The following MAN1A1 variants were observed in gnomAD, a reference collection of about 807,000 sequenced individuals.
MAN1A1 encodes mannosyl-oligosaccharide 1,2-alpha-mannosidase IA.
In MAN1A1, 29 loss-of-function variants were observed where a neutral mutation model predicts 70.8. The observed-to-expected ratio is 0.41, with a 90% CI of 0.31 to 0.56. The LOEUF (loss-of-function observed/expected upper bound fraction) is 0.56, where lower values mean the gene tolerates loss of function less well. MAN1A1 is among the 20% of genes least tolerant of loss of function. MAN1A1 has a pLI of 0.29. For missense variants in MAN1A1, 747 were observed against 841.3 expected, an observed-to-expected ratio of 0.89 and a Z score of 1.39; for synonymous variants, 349 against 330.1, an observed-to-expected ratio of 1.06 and a Z score of -0.62.
At chr6:119,210,059 G>A (rs1159162921) in intron 6 of MAN1A1, among the ~76,000 whole-genome samples, 12 of 152,240 alleles carry the variant, frequency 7.9e-5, no homozygotes, top group African/African-American at 2.6e-4. Context: ...AGCTGAAACC[G>A]AAGATGTAAC....
rs576715605 is a variant in MAN1A1 at position 119,183,165 on chromosome 6, G to A, written c.1720-2738C>T. On this transcript the variant is annotated intron_variant, in intron 11 of 12. Transcript: ENST00000368468. ...TGGAGGACAGAAGGGAGAGAGCAGAGAGACTATGAGGAGAAGCATTTAATT... is the reference window on the plus strand; with the variant it reads ...TGGAGGACAGAAGGGAGAGAGCAGAAAGACTATGAGGAGAAGCATTTAATT... Among the ~76,000 whole-genome samples, 38 of 152,314 alleles carry A rather than the reference G, an allele frequency of 2.5e-4. 1 individual carries two copies. In the South Asian group the frequency reaches 7.7e-3, roughly 31 times the overall value.
At chr6:119,217,677 C>T (rs1774247341) in intron 6 of MAN1A1, among the ~76,000 whole-genome samples, 1 of 152,144 alleles carries the variant, frequency 6.6e-6, no homozygotes, top group African/African-American at 2.4e-5. Context: ...AAAAAATTTA[C>T]ACAAGTAATG....
intron 6 of MAN1A1, among the ~76,000 whole-genome samples, chr6:119,207,091 G>C (rs1773881589): frequency 6.6e-6 from 1 of 152,180 alleles, no homozygotes; most frequent in Non-Finnish European, 1.5e-5. Context: ...CATTAATGTG[G>C]TGAATCGAGA....
intron 5 of MAN1A1, among the ~76,000 whole-genome samples, chr6:119,270,568 C>G (rs1775891627): frequency 6.6e-6 from 1 of 152,144 alleles, no homozygotes; most frequent in South Asian, 2.1e-4. Context: ...TACTTTCTGT[C>G]TCTATGAATA....
Position 119,349,674 on chromosome 6 carries a change from C to T in MAN1A1, c.-355G>A. 1 of 985,864 alleles carries T rather than the reference C, an allele frequency of 1.0e-6. No individual in the cohort carries two copies. Among genetic ancestry groups the T allele is most frequent in the Non-Finnish European group, 1.2e-6 (1 of 830,014 alleles). 61.1% of individuals were successfully genotyped at this position (985,864 alleles called of 1,614,324 possible). A position where few individuals can be genotyped will look rare whatever the true frequency, so the allele number is the denominator to read the frequency against. ...GTCCCACGGTCCCGCAGCCCCGGCG[C>T]GGCTCAGGTGGGCGAGCGCGCCGAC... On this transcript the variant is annotated 5_prime_UTR_variant, in exon 1 of 13. Transcript: ENST00000368468.
intron 2 of MAN1A1, among the ~76,000 whole-genome samples, chr6:119,320,131 G>A (rs1582800865): frequency 1.3e-5 from 2 of 152,182 alleles, no homozygotes; most frequent in South Asian, 2.1e-4. Flanking sequence ...TCACCACCAC[G>A]CCTGGCTAAT....
intron 2 of MAN1A1, among the ~76,000 whole-genome samples, chr6:119,324,327 T>C (rs1325416616): frequency 2.0e-5 from 3 of 152,248 alleles, no homozygotes; most frequent in South Asian, 2.1e-4. Context: ...ATCATACATA[T>C]AACATACAAA....
chr6:119,216,877 GA>G (rs1487798042), intron 6 of MAN1A1, among the ~76,000 whole-genome samples: 1 of 152,208 alleles, frequency 6.6e-6, no homozygotes, highest in Non-Finnish European at 1.5e-5. Context: ...GCTGAAAACA[GA>G]AAGTATCCTG....
intron 2 of MAN1A1, among the ~76,000 whole-genome samples, chr6:119,323,621 T>C (rs1387256527): frequency 6.6e-6 from 1 of 152,224 alleles, no homozygotes; most frequent in Non-Finnish European, 1.5e-5. Context: ...GCCCAGGTTC[T>C]TTCCTACATG....
chr6:119,320,622 G>A (rs77654046), intron 2 of MAN1A1, among the ~76,000 whole-genome samples: 81 of 150,862 alleles, frequency 5.4e-4, no homozygotes, highest in African/African-American at 1.4e-3. Flanking sequence ...AGGCACAAAC[G>A]GTTAAAAACA....
chr6:119,269,871 G>A (rs1020919135), intron 5 of MAN1A1, among the ~76,000 whole-genome samples: 1 of 152,104 alleles, frequency 6.6e-6, no homozygotes, highest in African/African-American at 2.4e-5. Context: ...ATGCTGTCCA[G>A]GCTGGTTTTG....
chr6:119,218,286 T>C (rs1774263103), intron 6 of MAN1A1, among the ~76,000 whole-genome samples: 1 of 152,144 alleles, frequency 6.6e-6, no homozygotes, highest in African/African-American at 2.4e-5. Context: ...TAGAAAGCTT[T>C]CTCCTCTCAC....
intron 6 of MAN1A1, 27 bp from the exon 7 acceptor site, chr6:119,204,909 T>A: frequency 1.2e-6 from 2 of 1,610,442 alleles, no homozygotes; most frequent in Non-Finnish European, 1.7e-6. Flanking sequence ...GTCGAAGAGT[T>A]ATGGGTCAGA....
chr6:119,247,412 T>C (rs1218581357), intron 6 of MAN1A1, among the ~76,000 whole-genome samples: 1 of 152,180 alleles, frequency 6.6e-6, no homozygotes, highest in Non-Finnish European at 1.5e-5. Context: ...GAGGATAATA[T>C]GTGGTAAGAG....
intron 2 of MAN1A1, among the ~76,000 whole-genome samples, chr6:119,334,031 T>A (rs556096641): frequency 1.8e-4 from 27 of 152,312 alleles, no homozygotes; most frequent in African/African-American, 4.8e-4. Context: ...AGACACCTGT[T>A]TTAAACTTCC....
At chr6:119,266,422 T>A (rs1775756042) in intron 5 of MAN1A1, among the ~76,000 whole-genome samples, 1 of 152,068 alleles carries the variant, frequency 6.6e-6, no homozygotes, top group South Asian at 2.1e-4. Flanking sequence ...GCCTAGAAAT[T>A]GATCCACATA....
intron 2 of MAN1A1, among the ~76,000 whole-genome samples, chr6:119,317,386 G>A (rs1772882749): frequency 6.6e-6 from 1 of 151,988 alleles, no homozygotes; most frequent in South Asian, 2.1e-4. Flanking sequence ...TCTATGTTGT[G>A]CTTATTCATC....
intron 2 of MAN1A1, among the ~76,000 whole-genome samples, chr6:119,316,520 A>G (rs1479422633): frequency 6.6e-6 from 1 of 152,180 alleles, no homozygotes; most frequent in Non-Finnish European, 1.5e-5. Context: ...TATCCTAAGG[A>G]GAGCTAAAAA....
At chr6:119,306,743 C>T (rs1000133172) in intron 3 of MAN1A1, among the ~76,000 whole-genome samples, 153 bp downstream of exon 3, 4 of 152,194 alleles carry the variant, frequency 2.6e-5, no homozygotes, top group African/African-American at 9.6e-5. Flanking sequence ...GAAGGACACA[C>T]TATGCACAAT....
Sources: gnomAD v4.1 joint callset for allele counts (sites outside exome capture counted in the v4.1 genomes callset) on GRCh38, gnomAD v4.1.1 for gene constraint, MANE v1.5 for transcripts, NCBI Gene and HGNC (gene_info 2026-07-23, HGNC 2026-07-21) for gene names.